The following RBM20 variants were observed in gnomAD, a reference collection of about 807,000 sequenced individuals.
The protein encoded by RBM20 is RNA binding motif protein 20, also known as RNA-binding protein 20.
Under a neutral mutation model 110.1 loss-of-function variants are expected in RBM20, and 51 were observed. The observed-to-expected ratio is 0.46, with a 90% CI of 0.37 to 0.59. The LOEUF (loss-of-function observed/expected upper bound fraction) is 0.59, where lower values mean the gene tolerates loss of function less well. Among genes scored for constraint, RBM20 ranks in the 20% least tolerant of loss-of-function variants. The probability of loss-of-function intolerance (pLI) is 0.00; values close to 1 mark genes in which losing one functional copy is unlikely to be tolerated. For synonymous variants in RBM20, 589 were observed against 618.2 expected (o/e 0.95, Z 0.70); for missense variants, 1,512 against 1,574.9 (o/e 0.96, Z 0.68).
intron 11 of RBM20, chr10:110,822,541 C>T (rs1844928300): frequency 2.2e-6 from 1 of 453,364 alleles, no homozygotes; most frequent in African/African-American, 2.0e-5. Flanking sequence ...TTAAAATAGG[C>T]TAAGCCCCGT....
Position 110,817,015 on chromosome 10 carries a change from C to T in RBM20, c.2551-3057C>T, listed in dbSNP as rs559222667. Among the ~76,000 whole-genome samples the T allele has an allele frequency of 2.6e-5, 4 of 152,256 alleles. No individual in the cohort carries two copies. In the East Asian group the frequency reaches 7.7e-4, roughly 29 times the overall value. On this transcript the variant is annotated intron_variant, in intron 9 of 13. Transcript: ENST00000369519. ...CATACCTGAGACCCAATCCTGGCCACAGGACCATAAAGAGGAGGAAAGAAA... is the reference window on the plus strand; with the variant it reads ...CATACCTGAGACCCAATCCTGGCCATAGGACCATAAAGAGGAGGAAAGAAA...
chr10:110,775,130 T>C (rs1024029380), intron 1 of RBM20, among the ~76,000 whole-genome samples: 5 of 152,236 alleles, frequency 3.3e-5, no homozygotes, highest in Non-Finnish European at 5.9e-5. Context: ...TTCTCAACTC[T>C]GCTCTAAAGA....
intron 1 of RBM20, among the ~76,000 whole-genome samples, chr10:110,657,907 C>T (rs903009789): frequency 3.3e-5 from 5 of 152,140 alleles, no homozygotes; most frequent in Non-Finnish European, 5.9e-5. Context: ...TTGGGTGAAA[C>T]GTCTTCAAAT....
chr10:110,775,570 C>A (rs543550399), intron 1 of RBM20, among the ~76,000 whole-genome samples: 23 of 152,302 alleles, frequency 1.5e-4, no homozygotes, highest in Middle Eastern at 6.8e-3. Flanking sequence ...CCCTCAAATC[C>A]CATCCCCATG....
Position 110,782,221 on chromosome 10 carries a change from G to A in RBM20, c.1275+337G>A, listed in dbSNP as rs148638240. Among the ~76,000 whole-genome samples the A allele has an allele frequency of 1.8e-3, 268 of 152,310 alleles. 1 individual carries two copies. Among genetic ancestry groups the A allele is most frequent in the Non-Finnish European group, 1.7e-3 (119 of 68,012 alleles). On this transcript the variant is annotated intron_variant, in intron 2 of 13. Transcript: ENST00000369519. The stretch of plus-strand genomic sequence containing the variant: ...CCTTCTCGTGGAGGGCTTCTCCCCC[G>A]TAGTATGCCTAGAATCTACTGCCCC...
chr10:110,834,897 C>G (rs946058866), intron 13 of RBM20, among the ~76,000 whole-genome samples: 3 of 152,198 alleles, frequency 2.0e-5, no homozygotes, highest in Non-Finnish European at 4.4e-5. Context: ...CCCAACCTGC[C>G]TCATGGTGTT....
chr10:110,721,147 C>T (rs1318052021), intron 1 of RBM20, among the ~76,000 whole-genome samples: 1 of 152,214 alleles, frequency 6.6e-6, no homozygotes, highest in African/African-American at 2.4e-5. Flanking sequence ...CTCTGTCCCC[C>T]TTTCCTTCCT....
At chr10:110,809,987 C>G (rs1366016600) in intron 7 of RBM20, among the ~76,000 whole-genome samples, 2 of 152,222 alleles carry the variant, frequency 1.3e-5, no homozygotes, top group African/African-American at 2.4e-5. Context: ...AGTCAATGAT[C>G]TTCAAGTCTT....
chr10:110,753,173 G>C (rs145662642), intron 1 of RBM20, among the ~76,000 whole-genome samples: 1,663 of 151,830 alleles, frequency 0.011, 28 homozygotes, highest in African/African-American at 0.038. Context: ...TCCTGACCTT[G>C]TGATCCGCCT....
chr10:110,775,378 A>G (rs1178135447), intron 1 of RBM20, among the ~76,000 whole-genome samples: 1 of 152,218 alleles, frequency 6.6e-6, no homozygotes, highest in Non-Finnish European at 1.5e-5. Context: ...GCATGAGTTT[A>G]GGCACTACCA....
At chr10:110,816,984 C>T (rs576443462) in intron 9 of RBM20, among the ~76,000 whole-genome samples, 38 of 152,260 alleles carry the variant, frequency 2.5e-4, no homozygotes, top group Admixed American at 1.4e-3. Context: ...GATGGGTGGC[C>T]ACGTCCATAC....
At chr10:110,758,294 T>C (rs1258958023) in intron 1 of RBM20, among the ~76,000 whole-genome samples, 1 of 151,992 alleles carries the variant, frequency 6.6e-6, no homozygotes, top group Non-Finnish European at 1.5e-5. Context: ...TGGGATTACA[T>C]ACGTGAGCCA....
rs1418225587 is a variant in RBM20 at position 110,836,054 on chromosome 10, T to C, written c.*76T>C. The C allele has an allele frequency of 6.2e-6, 4 of 645,902 alleles. No individual in the cohort carries two copies. Among genetic ancestry groups the C allele is most frequent in the Non-Finnish European group, 1.1e-5 (4 of 362,174 alleles). 40.0% of individuals were successfully genotyped at this position (645,902 alleles called of 1,614,324 possible). ...CTTGCTGAAGTGGGGCCTTCCTGAT[T>C]CTGGGGACAGGACTAAAGCCTGAGA... On this transcript the variant is annotated 3_prime_UTR_variant, in exon 14 of 14. Transcript: ENST00000369519.
At chr10:110,766,852 G>C (rs1844093874) in intron 1 of RBM20, among the ~76,000 whole-genome samples, 1 of 150,790 alleles carries the variant, frequency 6.6e-6, no homozygotes, top group Non-Finnish European at 1.5e-5. Context: ...ACACCTCCCA[G>C]ACGGGGTGGT....
Position 110,812,497 on chromosome 10 carries a change from G to C in RBM20, c.2100G>C (p.Lys700Asn), listed in dbSNP as rs957430941. ...PAPWRDNGDD[K>N]RDRMDPWAHD... ...CCTGGAGGGACAACGGAGATGACAAGAGGGACAGGATGGACCCCTGGGCAC... is the reference window on the plus strand; with the variant it reads ...CCTGGAGGGACAACGGAGATGACAACAGGGACAGGATGGACCCCTGGGCAC... Residue 700 changes from lysine (K) to asparagine (N), a missense_variant, in exon 9 of 14, where the codon AAG (lysine) becomes AAC (asparagine). Lys to Asn is a moderately conservative substitution (Grantham distance 94). Transcript: ENST00000369519. 1.3e-6 allele frequency: 2 copies of C among 1,551,586 alleles called. No homozygotes were observed. The highest frequency in any genetic ancestry group is 2.7e-5 in the African/African-American group (2 of 73,030).
At chr10:110,667,445 G>A (rs1862194804) in intron 1 of RBM20, among the ~76,000 whole-genome samples, 1 of 152,134 alleles carries the variant, frequency 6.6e-6, no homozygotes, top group African/African-American at 2.4e-5. Context: ...CATGTGGCTT[G>A]ATGGGCATGG....
intron 1 of RBM20, among the ~76,000 whole-genome samples, chr10:110,767,246 G>A (rs2135015004): frequency 7.2e-6 from 1 of 138,236 alleles, no homozygotes; most frequent in Admixed American, 6.9e-5. Flanking sequence ...GGACGGGGTG[G>A]CTGGCCGGGC....
intron 1 of RBM20, among the ~76,000 whole-genome samples, chr10:110,747,803 G>A (rs7069840): frequency 2.0e-3 from 301 of 151,336 alleles, no homozygotes; most frequent in African/African-American, 7.0e-3. Flanking sequence ...AAGCCTTTTA[G>A]AAAGTTTTCT....
chr10:110,664,332 G>A (rs1416915314), intron 1 of RBM20, among the ~76,000 whole-genome samples: 5 of 152,198 alleles, frequency 3.3e-5, no homozygotes, highest in Admixed American at 2.6e-4. Context: ...GTACTCAGAA[G>A]CTAATTGAAG....
Sources: gnomAD v4.1 joint callset for allele counts (sites outside exome capture counted in the v4.1 genomes callset) on GRCh38, gnomAD v4.1.1 for gene constraint, MANE v1.5 for transcripts, NCBI Gene and HGNC (gene_info 2026-07-23, HGNC 2026-07-21) for gene names.